Variants in GPALPP1 observed in about 807,000 individuals in gnomAD.
GPALPP1 encodes the protein GPALPP motifs-containing protein 1.
GPALPP1 carries 30 observed loss-of-function variants against 38.9 expected under a neutral mutation model. The observed-to-expected ratio is 0.77, with a 90% CI of 0.58 to 1.05. The LOEUF (loss-of-function observed/expected upper bound fraction) is 1.05. GPALPP1 is among the 50% of genes least tolerant of loss of function. GPALPP1 has a pLI of 0.00. For missense variants in GPALPP1, 384 were observed against 408.8 expected (o/e 0.94, Z 0.52); for synonymous variants, 120 against 139.2 (o/e 0.86, Z 0.97).
intron 5 of GPALPP1, 116 bp from the exon 6 acceptor site, chr13:45,015,316 G>T: frequency 1.6e-6 from 1 of 622,986 alleles, no homozygotes; most frequent in Non-Finnish European, 2.6e-6. Context: ...TTATATTAGA[G>T]TTTGTTAAGT....
chr13:45,004,041 C>G (rs1394669912), intron 1 of GPALPP1, among the ~76,000 whole-genome samples: 1 of 151,752 alleles, frequency 6.6e-6, no homozygotes, highest in Non-Finnish European at 1.5e-5. Flanking sequence ...ATTGCTATAT[C>G]TATAAGTTCG....
chr13:44,996,709 C>T (rs1280209131), intron 1 of GPALPP1, among the ~76,000 whole-genome samples: 1 of 150,400 alleles, frequency 6.6e-6, no homozygotes, highest in Non-Finnish European at 1.5e-5. Flanking sequence ...TCTGGAACTC[C>T]TGGGCTCAAG....
At chr13:44,996,436 C>T (rs1194368141) in intron 1 of GPALPP1, among the ~76,000 whole-genome samples, 1 of 151,198 alleles carries the variant, frequency 6.6e-6, no homozygotes, top group Non-Finnish European at 1.5e-5. Flanking sequence ...TACAGCTAAC[C>T]ATAATCCTTT....
chr13:45,031,679 C>G (rs1292230561), downstream of GPALPP1: 1 of 152,152 alleles, frequency 6.6e-6, no homozygotes, highest in Non-Finnish European at 1.5e-5. Flanking sequence ...AGGCCAGTTT[C>G]AGAGGTTGTT....
At chr13:44,991,191 G>A (rs1384626716) in intron 1 of GPALPP1, among the ~76,000 whole-genome samples, 2 of 152,176 alleles carry the variant, frequency 1.3e-5, no homozygotes, top group Non-Finnish European at 2.9e-5. Flanking sequence ...GCTCACGCCT[G>A]TGAACCCAGC....
intron 1 of GPALPP1, among the ~76,000 whole-genome samples, chr13:44,995,793 G>A (rs1873225324): frequency 6.6e-6 from 1 of 152,170 alleles, no homozygotes; most frequent in African/African-American, 2.4e-5. Flanking sequence ...ATCTGGGTGA[G>A]GCCTGAGATT....
chr13:44,990,093 A>AT (rs1872681509), intron 1 of GPALPP1: 2 of 491,228 alleles, frequency 4.1e-6, no homozygotes, highest in African/African-American at 4.0e-5. Flanking sequence ...AGCCCATGCC[A>AT]GTGTCTAGAT....
At chr13:45,034,908 G>C (rs1876354471), downstream of GPALPP1, 1 of 140,518 alleles carries the variant, frequency 7.1e-6, no homozygotes, top group Non-Finnish European at 1.5e-5. Flanking sequence ...GCTGATTTCT[G>C]TATTTTTAGT....
intron 4 of GPALPP1, among the ~76,000 whole-genome samples, chr13:45,013,332 T>C (rs374887424): frequency 6.6e-6 from 1 of 152,194 alleles, no homozygotes; most frequent in Non-Finnish European, 1.5e-5. Flanking sequence ...CTAAGACTTA[T>C]AAGCAGCTGG....
intron 1 of GPALPP1, among the ~76,000 whole-genome samples, chr13:44,994,049 C>G (rs1345849890): frequency 6.6e-6 from 1 of 151,274 alleles, no homozygotes; most frequent in South Asian, 2.1e-4. Flanking sequence ...GCCTGGGCAA[C>G]ATGGCAAAAC....
downstream of GPALPP1, chr13:45,033,427 G>T (rs970351102): frequency 2.6e-5 from 1 of 38,212 alleles, no homozygotes; most frequent in African/African-American, 4.6e-5. Context: ...AAAAGCTCAT[G>T]CTACTTAGAT....
rs952884921 is a variant in GPALPP1 at position 45,015,441 on chromosome 13, A to C, written c.550A>C (p.Lys184Gln). 2.5e-6 allele frequency: 4 copies of C among 1,585,584 alleles called. No homozygotes were observed. The highest frequency in any genetic ancestry group is 3.8e-5 in the Admixed American group (2 of 53,310). Residue 184 changes from lysine to glutamine, a missense_variant, in exon 6 of 8, where the codon AAA (lysine) becomes CAA (glutamine). By Grantham distance (53) the Lys-to-Gln change is moderately conservative. Transcript: ENST00000379151. ...TTTTTTTCTCTTAAAGGATTCATCT[A>C]AACCCATTGTAAGAGAGTCATGGAT... ...KLTKGDDDSS[K>Q]PIVRESWMTE...
chr13:44,989,720 C>A lies in GPALPP1; in HGVS notation c.66C>A (p.Asp22Glu), dbSNP rs1872629922. Residue 22 changes from aspartate (D) to glutamate (E), a missense_variant, in exon 1 of 8, where the codon GAC becomes GAA. Asp to Glu is a conservative substitution (Grantham distance 45). Coordinates refer to ENST00000379151, the MANE Select transcript of GPALPP1 (RefSeq NM_018559.5). ...PGFKARGTAEDEERDPSPVAG... is the reference protein window; with the variant it reads ...PGFKARGTAEEEERDPSPVAG... ...TCAAGGCCCGCGGAACAGCGGAGGA[C>A]GAAGAGCGGGACCCGAGCCCTGGTA... 1 of 1,609,904 alleles carries A rather than the reference C, an allele frequency of 6.2e-7. No individual in the cohort carries two copies. Among genetic ancestry groups the A allele is most frequent in the African/African-American group, 1.3e-5 (1 of 74,932 alleles).
At chr13:45,010,233 A>G (rs1874376707) in intron 4 of GPALPP1, among the ~76,000 whole-genome samples, 1 of 152,144 alleles carries the variant, frequency 6.6e-6, no homozygotes, top group Admixed American at 6.6e-5. Flanking sequence ...GTCCAAGCCT[A>G]TGCAAAATGG....
At chr13:44,992,457 G>A (rs1319749690) in intron 1 of GPALPP1, among the ~76,000 whole-genome samples, 1 of 152,048 alleles carries the variant, frequency 6.6e-6, no homozygotes, top group Non-Finnish European at 1.5e-5. Context: ...ATTAACATAA[G>A]TTTTTAATTT....
intron 1 of GPALPP1, chr13:44,990,047 A>G (rs1195557176): frequency 7.8e-6 from 4 of 512,210 alleles, no homozygotes; most frequent in African/African-American, 2.0e-5. Context: ...GTATAAGAAA[A>G]AAACTATTTT....
At position 44,999,579 on chromosome 13, in the gene GPALPP1, A is replaced by T. The variant is rs563585934; in HGVS notation, c.89-4726A>T. Among the ~76,000 whole-genome samples, 240 of 152,122 alleles carry T rather than the reference A, an allele frequency of 1.6e-3. 1 individual carries two copies. Among genetic ancestry groups the T allele is most frequent in the Non-Finnish European group, 3.0e-3 (207 of 67,994 alleles). On this transcript the variant is annotated intron_variant, in intron 1 of 7. Coordinates refer to ENST00000379151, the MANE Select transcript of GPALPP1 (RefSeq NM_018559.5). ...TGGCGTATACTGACTGACACTTTTA[A>T]TATTCTTCTCTTTTTTCTTGAGACA...
chr13:45,029,230 T>C lies in GPALPP1; in HGVS notation c.*1227T>C, dbSNP rs1276634496. On this transcript the variant is annotated 3_prime_UTR_variant, in exon 8 of 8. Coordinates refer to ENST00000379151, the MANE Select transcript of GPALPP1 (RefSeq NM_018559.5). ...TCCAACTTACTGAGTTTTCTTATTC[T>C]TACCTCAGGGGGATTTCCCTGTGCA... 1 of 152,212 alleles carries C rather than the reference T, an allele frequency of 6.6e-6. No homozygotes were observed. The highest frequency in any genetic ancestry group is 6.5e-5 in the Admixed American group (1 of 15,280). 9.4% of individuals were successfully genotyped at this position (152,212 alleles called of 1,614,324 possible).
In GPALPP1 at chr13:45,015,047, C is replaced by A; in HGVS notation, c.504C>A (p.Ala168=). 1.2e-6 allele frequency: 2 copies of A among 1,606,196 alleles called. No individual in the cohort carries two copies. Among genetic ancestry groups the A allele is most frequent in the Non-Finnish European group, 1.7e-6 (2 of 1,174,942 alleles). ...TAACGACAGAGTTTGAAAAAAGGGC[C>A]CAGAGAATGAAAGAAAAACTGACCA... ...YNVTTEFEKR[A]QRMKEKLTKG... is the part of the protein sequence containing the mutation. Residue 168 remains alanine (A), a synonymous_variant, in exon 5 of 8, where the codon GCC becomes GCA. Transcript: ENST00000379151.
Sources: allele counts gnomAD v4.1 joint callset (sites outside exome capture counted in the v4.1 genomes callset), GRCh38; gene constraint gnomAD v4.1.1; transcripts MANE v1.5; gene names NCBI Gene and HGNC (gene_info 2026-07-23, HGNC 2026-07-21).